Variants in LHFPL3 observed in about 807,000 individuals in gnomAD.
LHFPL3 encodes the protein LHFPL tetraspan subfamily member 3, also known as LHFPL tetraspan subfamily member 3 protein.
In LHFPL3, 5 loss-of-function variants were observed where a neutral mutation model predicts 19.3. The observed-to-expected ratio is 0.26, with a 90% confidence interval of 0.14 to 0.54. LHFPL3 has a LOEUF of 0.54. LHFPL3 is among the 20% of genes least tolerant of loss of function. LHFPL3 has a pLI of 0.94. For missense variants in LHFPL3, 249 were observed against 307.4 expected (o/e 0.81, Z 1.42); for synonymous variants, 133 against 126.2 (o/e 1.05, Z -0.36).
chr7:104,532,315 T>C (rs1794313351), intron 1 of LHFPL3, among the ~76,000 whole-genome samples: 1 of 111,826 alleles, frequency 8.9e-6, no homozygotes, highest in South Asian at 2.8e-4. Context: ...TTTTTCTTTC[T>C]GTCTTTTTTT....
chr7:104,391,493 A>G (rs1791067957), intron 1 of LHFPL3, among the ~76,000 whole-genome samples: 1 of 152,050 alleles, frequency 6.6e-6, no homozygotes. Context: ...TCAGATGGCT[A>G]TAGATGTGTG....
chr7:104,828,306 C>A (rs1282789462), intron 2 of LHFPL3, among the ~76,000 whole-genome samples: 1 of 151,914 alleles, frequency 6.6e-6, no homozygotes, highest in East Asian at 1.9e-4. Flanking sequence ...TCTGTCCCCA[C>A]CAACCTCAAA....
chr7:104,578,728 A>G (rs918609209), intron 1 of LHFPL3, among the ~76,000 whole-genome samples: 3 of 152,082 alleles, frequency 2.0e-5, no homozygotes, highest in Non-Finnish European at 4.4e-5. Flanking sequence ...AGTAAGGACC[A>G]CTATACCCCT....
intron 1 of LHFPL3, among the ~76,000 whole-genome samples, chr7:104,535,896 G>A (rs1000646640): frequency 6.6e-6 from 1 of 152,246 alleles, no homozygotes; most frequent in Non-Finnish European, 1.5e-5. Flanking sequence ...TTGTCAGAGA[G>A]TGGGAGCGAG....
chr7:104,717,298 G>GA (rs1306907126), intron 1 of LHFPL3, among the ~76,000 whole-genome samples: 2 of 152,062 alleles, frequency 1.3e-5, no homozygotes, highest in African/African-American at 4.8e-5. Context: ...AGCAAAAATA[G>GA]AAAAATGGGA....
chr7:104,539,568 G>C lies in LHFPL3; in HGVS notation c.446-197107G>C, dbSNP rs139652695. On this transcript the variant is annotated intron_variant, in intron 1 of 2. Transcript: ENST00000424859. ...GGTATTCTGACTGGAGATATACAAA[G>C]ACCCTGGGTTCAGGTCAAGGAAGAA... Among the ~76,000 whole-genome samples, 57 of 152,210 alleles carry C rather than the reference G, an allele frequency of 3.7e-4. 1 individual carries two copies. In the East Asian group the frequency reaches 9.7e-3, roughly 26 times the overall value.
At chr7:104,465,954 G>C (rs1792775544) in intron 1 of LHFPL3, among the ~76,000 whole-genome samples, 2 of 152,144 alleles carry the variant, frequency 1.3e-5, no homozygotes, top group South Asian at 2.1e-4. Flanking sequence ...TATAATTTCA[G>C]TTCTTTTGCA....
chr7:104,718,507 C>T (rs1037609801), intron 1 of LHFPL3, among the ~76,000 whole-genome samples: 3 of 152,142 alleles, frequency 2.0e-5, no homozygotes, highest in Non-Finnish European at 4.4e-5. Flanking sequence ...CACAGAATTC[C>T]TGGCCTTGTC....
chr7:104,526,089 T>A (rs1426651671), intron 1 of LHFPL3, among the ~76,000 whole-genome samples: 1 of 152,180 alleles, frequency 6.6e-6, no homozygotes, highest in Non-Finnish European at 1.5e-5. Context: ...GAAAAGATTT[T>A]GATTGATGTC....
chr7:104,591,037 A>G (rs1790709021), intron 1 of LHFPL3, among the ~76,000 whole-genome samples: 1 of 152,120 alleles, frequency 6.6e-6, no homozygotes, highest in Non-Finnish European at 1.5e-5. Flanking sequence ...TCCCGAATAG[A>G]GCACACTGAT....
rs541814705 is a variant in LHFPL3 at position 104,447,723 on chromosome 7, T to A, written c.445+118499T>A. ...AAGAGAAACTTCACCAAGATTCCTA[T>A]CTTGGACATTTAGGTATTCTCTGTT... On this transcript the variant is annotated intron_variant, in intron 1 of 2. Coordinates refer to ENST00000424859, the MANE Select transcript of LHFPL3 (RefSeq NM_199000.3). 3.3e-5 allele frequency among the ~76,000 whole-genome samples: 5 copies of A among 152,312 alleles called. No individual in the cohort carries two copies. The South Asian group carries it at 1.0e-3, about 32-fold the overall frequency.
intron 1 of LHFPL3, among the ~76,000 whole-genome samples, chr7:104,584,684 AAT>A (rs1394567708): frequency 1.3e-5 from 2 of 152,090 alleles, no homozygotes; most frequent in Non-Finnish European, 2.9e-5. Flanking sequence ...TAGAATCTTG[AAT>A]AGTTAGAACG....
rs1174362119 is a variant in LHFPL3, at chr7:104,778,856, T to A, written c.682+41945T>A. Among the ~76,000 whole-genome samples the A allele has an allele frequency of 2.0e-5, 3 of 152,258 alleles. No individual in the cohort carries two copies. In the East Asian group the frequency reaches 5.8e-4, roughly 29 times the overall value. On this transcript the variant is annotated intron_variant, in intron 2 of 2. Transcript: ENST00000424859. ...AAAATGGAGATAATGATAACAGAGC[T>A]AATGTCAGAGAGATGTCAGAAGGGT...
chr7:104,697,235 G>A (rs1348631222), intron 1 of LHFPL3, among the ~76,000 whole-genome samples: 1 of 152,158 alleles, frequency 6.6e-6, no homozygotes, highest in Non-Finnish European at 1.5e-5. Context: ...TTTGCGGGGA[G>A]AGCACAAAGA....
At chr7:104,649,924 C>T (rs923458170) in intron 1 of LHFPL3, among the ~76,000 whole-genome samples, 9 of 152,140 alleles carry the variant, frequency 5.9e-5, no homozygotes, top group Non-Finnish European at 1.0e-4. Context: ...AGAATCTCAT[C>T]TCATCTAAGA....
chr7:104,663,840 C>T (rs960688881), intron 1 of LHFPL3, among the ~76,000 whole-genome samples: 1 of 152,136 alleles, frequency 6.6e-6, no homozygotes, highest in African/African-American at 2.4e-5. Flanking sequence ...GTTGGGTGCT[C>T]AACTATCACT....
chr7:104,666,509 A>ATTTTTTTTTTTTTTTTT (rs1315147894), intron 1 of LHFPL3, among the ~76,000 whole-genome samples: 3 of 44,160 alleles, frequency 6.8e-5, no homozygotes, highest in African/African-American at 7.2e-5. Flanking sequence ...ACAGGATTTC[A>ATTTTTTTTTTTTTTTTT]TTCTTTTTTT....
intron 1 of LHFPL3, among the ~76,000 whole-genome samples, chr7:104,710,504 C>T (rs970997643): frequency 1.8e-4 from 27 of 152,090 alleles, no homozygotes; most frequent in Non-Finnish European, 3.4e-4. Flanking sequence ...CTCTGTATTT[C>T]CCTGAAACTG....
chr7:104,477,944 A>G (rs1793057038), intron 1 of LHFPL3, among the ~76,000 whole-genome samples: 1 of 152,192 alleles, frequency 6.6e-6, no homozygotes, highest in African/African-American at 2.4e-5. Context: ...AAAAAGCACT[A>G]GGGGTTAGTC....
Sources: allele counts gnomAD v4.1 joint callset (sites outside exome capture counted in the v4.1 genomes callset), GRCh38; gene constraint gnomAD v4.1.1; transcripts MANE v1.5; gene names NCBI Gene and HGNC (gene_info 2026-07-23, HGNC 2026-07-21).